The following POU2F3 variants were observed in gnomAD, a reference collection of about 807,000 sequenced individuals.
POU2F3 encodes the protein POU class 2 homeobox 3, also known as POU domain, class 2, transcription factor 3.
Under a neutral mutation model 59.2 loss-of-function variants are expected in POU2F3, and 23 were observed. The ratio of observed to expected loss-of-function variants is 0.39; its 90% CI spans 0.28 to 0.55. POU2F3 has a LOEUF of 0.55. Ranked by LOEUF, POU2F3 falls within the 20% of genes least tolerant of loss-of-function variation. POU2F3 has a pLI of 0.66. For synonymous variants in POU2F3, 190 were observed against 214.6 expected (o/e 0.89, Z 1.00); for missense variants, 473 against 544.5 (o/e 0.87, Z 1.31).
intron 3 of POU2F3, among the ~76,000 whole-genome samples, chr11:120,280,935 G>A (rs1011373917): frequency 1.3e-4 from 20 of 152,128 alleles, no homozygotes; most frequent in Non-Finnish European, 2.4e-4. Context: ...GCGTGAGAAG[G>A]GTCCAGGGAA....
At chr11:120,296,150 C>G (rs575209827) in intron 3 of POU2F3, among the ~76,000 whole-genome samples, 3 of 152,262 alleles carry the variant, frequency 2.0e-5, no homozygotes, top group South Asian at 4.2e-4. Flanking sequence ...CTCAAGATTA[C>G]GTAGTAAATT....
intron 3 of POU2F3, among the ~76,000 whole-genome samples, chr11:120,279,222 G>A (rs968029627): frequency 1.3e-5 from 2 of 152,038 alleles, no homozygotes; most frequent in Admixed American, 6.6e-5. Context: ...GGAGGAGGCC[G>A]TGTGATATGG....
intron 1 of POU2F3, among the ~76,000 whole-genome samples, chr11:120,242,753 G>A (rs1307133386): frequency 6.6e-6 from 1 of 152,214 alleles, no homozygotes; most frequent in Non-Finnish European, 1.5e-5. Context: ...TCTGCCTGGA[G>A]CCTTCGCACC....
intron 5 of POU2F3, chr11:120,301,209 T>C (rs1941338737): frequency 5.1e-6 from 2 of 395,968 alleles, no homozygotes; most frequent in African/African-American, 2.1e-5. Flanking sequence ...CTAACCTCTC[T>C]GAGCTTCCAT....
chr11:120,236,732 T>C, upstream of POU2F3: 2 of 1,457,264 alleles, frequency 1.4e-6, no homozygotes, highest in African/African-American at 1.4e-5. Flanking sequence ...TACGTTCCCA[T>C]TCTAGCTCAT....
At chr11:120,246,173 C>G (rs2135127087) in intron 1 of POU2F3, among the ~76,000 whole-genome samples, 1 of 152,236 alleles carries the variant, frequency 6.6e-6, no homozygotes, top group South Asian at 2.1e-4. Context: ...GTGATAGAAG[C>G]AAGTGGCCAT....
At chr11:120,295,059 T>G (rs781158020) in intron 3 of POU2F3, among the ~76,000 whole-genome samples, 1 of 152,240 alleles carries the variant, frequency 6.6e-6, no homozygotes, top group Non-Finnish European at 1.5e-5. Flanking sequence ...AGGGCTTTTC[T>G]GCTATCACGC....
chr11:120,239,779 A>G (rs1039220136), upstream of POU2F3, among the ~76,000 whole-genome samples: 7 of 152,232 alleles, frequency 4.6e-5, no homozygotes, highest in African/African-American at 1.7e-4. Flanking sequence ...AATTCTTTCC[A>G]GCAGACCCCC....
At chr11:120,279,602 T>G (rs531450885) in intron 3 of POU2F3, among the ~76,000 whole-genome samples, 2 of 152,350 alleles carry the variant, frequency 1.3e-5, no homozygotes, top group East Asian at 3.9e-4. Flanking sequence ...AAGCAGTTGG[T>G]AAACGTGTTT....
At chr11:120,240,969 G>A (rs1938639422) in intron 1 of POU2F3, among the ~76,000 whole-genome samples, 1 of 152,174 alleles carries the variant, frequency 6.6e-6, no homozygotes, top group Non-Finnish European at 1.5e-5. Context: ...TCCCTAAGGG[G>A]TGGAAACCTA....
At chr11:120,301,746 T>G (rs1241871030) in intron 5 of POU2F3, 2 of 153,564 alleles carry the variant, frequency 1.3e-5, no homozygotes, top group Non-Finnish European at 2.9e-5. Context: ...CTCTCCCAAG[T>G]ATAAAATGTC....
intron 2 of POU2F3, among the ~76,000 whole-genome samples, chr11:120,262,860 C>T (rs988559899): frequency 6.6e-6 from 1 of 152,030 alleles, no homozygotes; most frequent in African/African-American, 2.4e-5. Context: ...AAATAGAATT[C>T]CCTAATAAAA....
intron 3 of POU2F3, among the ~76,000 whole-genome samples, chr11:120,284,879 G>A (rs1284704085): frequency 1.3e-5 from 2 of 152,174 alleles, no homozygotes; most frequent in Non-Finnish European, 2.9e-5. Context: ...ACAGAGCCCC[G>A]CTGCTCTGAC....
At chr11:120,287,010 C>A (rs573934269) in intron 3 of POU2F3, among the ~76,000 whole-genome samples, 1 of 152,292 alleles carries the variant, frequency 6.6e-6, no homozygotes, top group South Asian at 2.1e-4. Flanking sequence ...AGTGACCCAT[C>A]GTTAATCAAC....
At chr11:120,263,391 G>A (rs1939688357) in intron 2 of POU2F3, among the ~76,000 whole-genome samples, 2 of 152,130 alleles carry the variant, frequency 1.3e-5, no homozygotes, top group Admixed American at 6.5e-5. Context: ...ATTTATTCCT[G>A]TTACATTTTA....
upstream of POU2F3, among the ~76,000 whole-genome samples, chr11:120,238,600 G>A (rs1280882583): frequency 1.3e-5 from 2 of 152,042 alleles, no homozygotes; most frequent in Admixed American, 6.5e-5. Flanking sequence ...ACTTTGGGAG[G>A]CTGAGGCGGG....
intron 3 of POU2F3, among the ~76,000 whole-genome samples, chr11:120,272,214 C>A (rs1178006265): frequency 1.3e-5 from 2 of 152,184 alleles, no homozygotes; most frequent in Non-Finnish European, 2.9e-5. Context: ...CCCAGGCAGC[C>A]CCGCCTTTTT....
intron 2 of POU2F3, among the ~76,000 whole-genome samples, chr11:120,253,373 C>T (rs1205805657): frequency 2.0e-5 from 3 of 152,068 alleles, no homozygotes; most frequent in Non-Finnish European, 4.4e-5. Flanking sequence ...GATTCTCCTG[C>T]CTCAGCCTCC....
upstream of POU2F3, among the ~76,000 whole-genome samples, chr11:120,239,618 C>T (rs1230068428): frequency 1.3e-5 from 2 of 152,188 alleles, no homozygotes; most frequent in Non-Finnish European, 2.9e-5. Context: ...GCCATGGGGG[C>T]TAGGTGAGCT....
Sources: gnomAD v4.1 joint callset for allele counts (sites outside exome capture counted in the v4.1 genomes callset) on GRCh38, gnomAD v4.1.1 for gene constraint, MANE v1.5 for transcripts, NCBI Gene and HGNC (gene_info 2026-07-23, HGNC 2026-07-21) for gene names.